MBNL2: variants seen among roughly 807,000 people sequenced by gnomAD.
The protein encoded by MBNL2 is muscleblind-like protein 2.
A neutral mutation model predicts 41.9 loss-of-function variants in MBNL2; 17 were observed. The observed-to-expected ratio is 0.41, with a 90% CI of 0.28 to 0.61. The LOEUF (loss-of-function observed/expected upper bound fraction) is 0.61, where lower values mean the gene tolerates loss of function less well. Ranked by LOEUF, MBNL2 falls within the 20% of genes least tolerant of loss-of-function variation. MBNL2 has a pLI of 0.35. For missense variants in MBNL2, 336 were observed against 505.6 expected (o/e 0.66, Z 3.22); for synonymous variants, 195 against 182.9 (o/e 1.07, Z -0.53).
intron 2 of MBNL2, among the ~76,000 whole-genome samples, chr13:97,297,626 T>G (rs1029394257): frequency 1.3e-5 from 2 of 152,112 alleles, no homozygotes; most frequent in Admixed American, 6.5e-5. Context: ...GCTAGATCAT[T>G]ATCTGCCAAA....
At chr13:97,183,722 G>A in the MBNL2 span, among the ~76,000 whole-genome samples, 1 of 152,140 alleles carries the variant, frequency 6.6e-6, no homozygotes, top group Non-Finnish European at 1.5e-5. Context: ...TTCTCTTAAT[G>A]GCAATTTTCA....
chr13:97,334,837 G>A lies in MBNL2; in HGVS notation c.339+397G>A, dbSNP rs1381225552. Among the ~76,000 whole-genome samples, 1 of 152,228 alleles carries A rather than the reference G, an allele frequency of 6.6e-6. No individual in the cohort carries two copies. The highest frequency in any genetic ancestry group is 1.5e-5 in the Non-Finnish European group (1 of 68,046). On this transcript the variant is annotated intron_variant, in intron 3 of 8. Coordinates refer to ENST00000679496, the MANE Select transcript of MBNL2 (RefSeq NM_001382683.1). This position sits in a 1 kb window ranked among gnomAD's most constrained non-coding sequence, Gnocchi z 5.3. ...AGTTCTATGGCACCATTTAAAGGAT[G>A]AGGAAATTGAGAAACCAGAGAAGTT...
the MBNL2 span, among the ~76,000 whole-genome samples, chr13:97,173,551 C>T: frequency 6.6e-6 from 1 of 152,182 alleles, no homozygotes; most frequent in Non-Finnish European, 1.5e-5. Context: ...ACTTGCCTGC[C>T]TGCCCTGGCC....
chr13:97,294,957 C>T (rs569010962), intron 2 of MBNL2, among the ~76,000 whole-genome samples: 2 of 152,228 alleles, frequency 1.3e-5, no homozygotes, highest in Admixed American at 1.3e-4. Flanking sequence ...ATAAACAAAA[C>T]AACAACTGCC....
rs3055758 is a variant in MBNL2 at position 97,346,243 on chromosome 13, AGATG to A, written c.541-533_541-530del. The stretch of plus-strand genomic sequence containing the variant: ...AAATAATGATAGATTAACAGATAAT[AGATG>A]GATGGATGGATGGATGGATGGATGG... On this transcript the variant is annotated intron_variant, in intron 4 of 8. Transcript: ENST00000679496. This position sits in a 1 kb window ranked among gnomAD's most constrained non-coding sequence, Gnocchi z 4.2. 0.43 allele frequency among the ~76,000 whole-genome samples: 64,201 copies of A among 150,858 alleles called. 14,796 individuals carry two copies. The highest frequency in any genetic ancestry group is 0.61 in the African/African-American group (25,030 of 40,944).
At chr13:97,187,865 C>T in the MBNL2 span, among the ~76,000 whole-genome samples, 1 of 150,056 alleles carries the variant, frequency 6.7e-6, no homozygotes, top group Non-Finnish European at 1.5e-5. Context: ...GCTGAGATCG[C>T]GCCACCGCAC....
At chr13:97,300,380 G>A (rs1029924320) in intron 2 of MBNL2, among the ~76,000 whole-genome samples, 4 of 152,166 alleles carry the variant, frequency 2.6e-5, no homozygotes, top group African/African-American at 4.8e-5. Context: ...ATCAGAGACC[G>A]ATTTCATAGA....
chr13:97,219,366 A>G (rs1293449735), upstream of MBNL2, among the ~76,000 whole-genome samples: 2 of 152,170 alleles, frequency 1.3e-5, no homozygotes, highest in Non-Finnish European at 2.9e-5. Context: ...GAGGGCTTTT[A>G]TCTTTTTCCT....
intron 2 of MBNL2, among the ~76,000 whole-genome samples, chr13:97,307,958 G>A (rs949960346): frequency 6.6e-6 from 1 of 152,194 alleles, no homozygotes; most frequent in Non-Finnish European, 1.5e-5. Flanking sequence ...GCTGTTCACA[G>A]ATACAGGGGA....
At chr13:97,297,972 CGAAAG>C (rs1007019326) in intron 2 of MBNL2, among the ~76,000 whole-genome samples, 8 of 151,874 alleles carry the variant, frequency 5.3e-5, no homozygotes, top group East Asian at 1.9e-4. Flanking sequence ...AAATATTTCT[CGAAAG>C]GAGAGGGAAA....
At chr13:97,159,681 T>A in the MBNL2 span, among the ~76,000 whole-genome samples, 1 of 150,510 alleles carries the variant, frequency 6.6e-6, no homozygotes, top group South Asian at 2.1e-4. Context: ...GATATGAAAT[T>A]CTGGGTTGAA....
the MBNL2 span, among the ~76,000 whole-genome samples, chr13:97,158,635 G>A: frequency 5.3e-5 from 8 of 151,382 alleles, no homozygotes; most frequent in Non-Finnish European, 1.2e-4. Context: ...CTTTATTTCT[G>A]CCTTCATTTC....
intron 8 of MBNL2, among the ~76,000 whole-genome samples, chr13:97,383,183 C>T (rs992583476): frequency 6.6e-6 from 1 of 152,164 alleles, no homozygotes; most frequent in Non-Finnish European, 1.5e-5. Context: ...AAATGATCCT[C>T]AGAATTCCCC....
chr13:97,377,232 A>G (rs1397902250), intron 8 of MBNL2, among the ~76,000 whole-genome samples: 1 of 152,242 alleles, frequency 6.6e-6, no homozygotes, highest in Admixed American at 6.5e-5. Flanking sequence ...AGATCATACT[A>G]TAACATTAAG....
At chr13:97,196,168 A>G in the MBNL2 span, among the ~76,000 whole-genome samples, 1 of 152,144 alleles carries the variant, frequency 6.6e-6, no homozygotes, top group Admixed American at 6.5e-5. Flanking sequence ...AAAACCGTAA[A>G]GGCTGAGAAA....
intron 8 of MBNL2, among the ~76,000 whole-genome samples, chr13:97,374,593 A>T (rs2064786880): frequency 6.8e-6 from 1 of 146,388 alleles, no homozygotes; most frequent in Non-Finnish European, 1.5e-5. Context: ...GGGGTTTACC[A>T]TGTTGGCCAG....
chr13:97,287,581 T>G (rs1423117586), intron 2 of MBNL2, among the ~76,000 whole-genome samples: 1 of 152,110 alleles, frequency 6.6e-6, no homozygotes, highest in Admixed American at 6.5e-5. Context: ...CATCCTATGG[T>G]GATATAGAAC....
At chr13:97,387,602 C>G (rs2066029297) in intron 8 of MBNL2, among the ~76,000 whole-genome samples, 2 of 152,188 alleles carry the variant, frequency 1.3e-5, no homozygotes, top group Admixed American at 6.5e-5. Context: ...TCTTTGGAAC[C>G]TCTGTGTCCC....
chr13:97,150,096 GT>G, the MBNL2 span, among the ~76,000 whole-genome samples: 1 of 152,190 alleles, frequency 6.6e-6, no homozygotes, highest in Non-Finnish European at 1.5e-5. Context: ...AAAATGGAGA[GT>G]TTTTCCAATC....
Sources: allele counts gnomAD v4.1 joint callset (sites outside exome capture counted in the v4.1 genomes callset), GRCh38; gene constraint gnomAD v4.1.1; non-coding constraint Gnocchi (gnomAD v3.1); transcripts MANE v1.5; gene names NCBI Gene and HGNC (gene_info 2026-07-23, HGNC 2026-07-21).